Variants in ADRM1 observed in about 807,000 individuals in gnomAD.
ADRM1 encodes proteasomal ubiquitin receptor ADRM1.
In ADRM1, 2 loss-of-function variants were observed where a neutral mutation model predicts 40.1. That is an observed-to-expected ratio of 0.05 (90% CI 0.02 to 0.16). The LOEUF is 0.16. Among genes scored for constraint, ADRM1 ranks in the 10% least tolerant of loss-of-function variants. The pLI, the probability that ADRM1 is intolerant of heterozygous loss-of-function variation, is 1.00. For missense variants in ADRM1, 467 were observed against 552.5 expected (o/e 0.85, Z 1.55); for synonymous variants, 287 against 240.4 (o/e 1.19, Z -1.79).
chr20:62,306,631 G>A lies in ADRM1; in HGVS notation c.455-17G>A, dbSNP rs774781664. The A allele has an allele frequency of 1.6e-5, 25 of 1,598,342 alleles. No homozygotes were observed. In the Admixed American group the frequency reaches 4.1e-4, roughly 26 times the overall value. ...ATCTGGCTGGGGCAGGCCCGCCTGA[G>A]CTGCAGTGTTTTCCAGGTGAGGGTG... On this transcript the variant is annotated splice_polypyrimidine_tract_variant and intron_variant, in intron 4 of 9. Coordinates refer to ENST00000253003, the MANE Select transcript of ADRM1 (RefSeq NM_007002.4).
intron 2 of ADRM1, 164 bp from the exon 3 acceptor site, chr20:62,304,297 C>A: frequency 1.6e-6 from 1 of 611,112 alleles, no homozygotes. Flanking sequence ...TGTCTCTGAC[C>A]CTGGCTTCTC....
At chr20:62,304,634 C>T in intron 3 of ADRM1, 57 bp downstream of exon 3, 2 of 1,547,144 alleles carry the variant, frequency 1.3e-6, no homozygotes, top group Non-Finnish European at 1.8e-6. Context: ...CGGTTAGGAA[C>T]TTGCTTACAG....
chr20:62,304,632 A>AGTGTGGTGC, intron 3 of ADRM1, 55 bp downstream of exon 3: 1 of 1,555,206 alleles, frequency 6.4e-7, no homozygotes, highest in South Asian at 1.1e-5. Flanking sequence ...TTCGGTTAGG[A>AGTGTGGTGC]ACTTGCTTAC....
intron 5 of ADRM1, 101 bp from the exon 6 acceptor site, chr20:62,307,270 T>G: frequency 2.5e-6 from 3 of 1,182,052 alleles, no homozygotes; most frequent in Non-Finnish European, 3.5e-6. Flanking sequence ...TCTTCCTGGC[T>G]TTGGTGTTGG....
In ADRM1 at chr20:62,308,846, T is replaced by TTTC. The variant is rs1985621371; in HGVS notation, c.*88_*90dup. ...CACCCACTGATTATTAATAAAGTCT[T>TTTC]TTCTTTTACCTGCCAATGCTTAGTT... On this transcript the variant is annotated 3_prime_UTR_variant, in exon 10 of 10. Transcript: ENST00000253003. 3.9e-6 allele frequency: 6 copies of TTTC among 1,533,046 alleles called. No individual in the cohort carries two copies. The highest frequency in any genetic ancestry group is 4.7e-5 in the East Asian group (2 of 42,138). The allele number at this position is 1,533,046 out of a possible 1,614,324, so 95.0% of individuals were successfully genotyped here.
chr20:62,303,837 C>T (rs1984485463), intron 2 of ADRM1, 56 bp downstream of exon 2: 1 of 1,568,806 alleles, frequency 6.4e-7, no homozygotes, highest in South Asian at 1.1e-5. Context: ...CCCTCGGAGT[C>T]CTCGCTTTGG....
chr20:62,306,076 G>C, intron 3 of ADRM1, 121 bp from the exon 4 acceptor site: 1 of 1,371,380 alleles, frequency 7.3e-7, no homozygotes. Context: ...GCATTGTGTG[G>C]CCAGGCACAC....
At chr20:62,306,497 G>A (rs944696792) in intron 4 of ADRM1, 151 bp from the exon 5 acceptor site, 17 of 1,288,010 alleles carry the variant, frequency 1.3e-5, no homozygotes, top group Non-Finnish European at 1.9e-5. Flanking sequence ...GGTAGGACGG[G>A]TCTGCATCCC....
intron 2 of ADRM1, chr20:62,304,117 G>A: frequency 2.1e-6 from 1 of 486,142 alleles, no homozygotes; most frequent in Non-Finnish European, 3.7e-6. Flanking sequence ...GCTTCACTCA[G>A]TCTTCTTTGT....
At chr20:62,306,130 G>A (rs920494828) in intron 3 of ADRM1, 67 bp from the exon 4 acceptor site, 3 of 1,567,342 alleles carry the variant, frequency 1.9e-6, no homozygotes, top group African/African-American at 2.7e-5. Context: ...CCAGGTCAGA[G>A]GATGGCTGTG....
rs750843932 is a variant in ADRM1 at position 62,306,200 on chromosome 20, C to T, written c.334C>T (p.Pro112Ser). ...TTACATGCCCTTCCTCTTGCAGGAA[C>T]CCAAGACAGACCAGGATGAGGAGCA... The part of the protein sequence containing the change: ...SKRLFFWMQE[P>S]KTDQDEEHCR... Residue 112 changes from proline (P) to serine (S), a missense_variant, in exon 4 of 10, where the codon CCC (proline) becomes TCC (serine). By Grantham distance (74) the Pro-to-Ser change is moderately conservative (BLOSUM62 -1). Transcript: ENST00000253003. 5 of 1,612,426 alleles carry T rather than the reference C, an allele frequency of 3.1e-6. No homozygotes were observed. Among genetic ancestry groups the T allele is most frequent in the Admixed American group, 1.7e-5 (1 of 59,984 alleles).
chr20:62,304,292 C>G (rs998581513), intron 2 of ADRM1, 169 bp from the exon 3 acceptor site: 1 of 607,140 alleles, frequency 1.6e-6, no homozygotes, highest in African/African-American at 1.8e-5. Context: ...TGGGCTGTCT[C>G]TGACCCTGGC....
Position 62,308,774 on chromosome 20 carries a change from C to A in ADRM1, c.*13C>A. 2 of 1,612,386 alleles carry A rather than the reference C, an allele frequency of 1.2e-6. No individual in the cohort carries two copies. The highest frequency in any genetic ancestry group is 2.2e-5 in the South Asian group (2 of 91,002). On this transcript the variant is annotated 3_prime_UTR_variant, in exon 10 of 10. Transcript: ENST00000253003. ...GAGCCTGGACTGAGCCACGCGCCGT[C>A]CTCCGAGGAACTGGGCGCTTGCAGT...
chr20:62,306,823 T>C (rs1985056150), intron 5 of ADRM1, 89 bp downstream of exon 5: 2 of 1,262,964 alleles, frequency 1.6e-6, no homozygotes, highest in African/African-American at 1.5e-5. Context: ...CTGCTGGCTC[T>C]GTCTGCGTAG....
At chr20:62,306,160 C>G in intron 3 of ADRM1, 37 bp from the exon 4 acceptor site, 1 of 1,590,194 alleles carries the variant, frequency 6.3e-7, no homozygotes, top group Non-Finnish European at 8.6e-7. Flanking sequence ...GGTGAGCTGG[C>G]GCCAGCTCCT....
rs1038485588 is a variant in ADRM1 at position 62,308,642 on chromosome 20, T to A, written c.1118-13T>A. On this transcript the variant is annotated splice_polypyrimidine_tract_variant and intron_variant, in intron 9 of 9. Coordinates refer to ENST00000253003, the MANE Select transcript of ADRM1 (RefSeq NM_007002.4). ...AGGGTTAGACACCACCTTGTGTCTT[T>A]AACGTGTTCTAGATGTGGAAGCGTT... The A allele has an allele frequency of 6.2e-7, 1 of 1,612,732 alleles. No homozygotes were observed. The highest frequency in any genetic ancestry group is 1.7e-5 in the Admixed American group (1 of 59,972).
At chr20:62,304,773 C>T (rs7264166) in intron 3 of ADRM1, among the ~76,000 whole-genome samples, 196 bp downstream of exon 3, 62,854 of 152,174 alleles carry the variant, frequency 0.41, 13,033 homozygotes, top group East Asian at 0.45. Flanking sequence ...ACGGAGGCTC[C>T]AGGCTGGGCT....
At chr20:62,304,681 G>T in intron 3 of ADRM1, 104 bp downstream of exon 3, 1 of 1,034,670 alleles carries the variant, frequency 9.7e-7, no homozygotes, top group African/African-American at 1.6e-5. Context: ...AGCAGGCGCC[G>T]GCCACACCCG....
Position 62,304,550 on chromosome 20 carries a change from G to C in ADRM1, c.303G>C (p.Gly101=), listed in dbSNP as rs752876695. 6.2e-7 allele frequency: 1 copy of C among 1,614,016 alleles called. No individual in the cohort carries two copies. The highest frequency in any genetic ancestry group is 1.7e-5 in the Admixed American group (1 of 60,032). Residue 101 remains glycine (G), a synonymous_variant, in exon 3 of 10, where the codon GGG becomes GGC. Transcript: ENST00000253003. ...GRVYVLKFKA[G]SKRLFFWMQE... is the part of the protein sequence containing the mutation. ...TCTACGTGCTGAAGTTCAAGGCAGG[G>C]TCCAAGCGGCTTTTCTTCTGGATGC...
Sources: gnomAD v4.1 joint callset for allele counts (sites outside exome capture counted in the v4.1 genomes callset) on GRCh38, gnomAD v4.1.1 for gene constraint, MANE v1.5 for transcripts, NCBI Gene and HGNC (gene_info 2026-07-23, HGNC 2026-07-21) for gene names.